PDE11A: variants seen among roughly 807,000 people sequenced by gnomAD.
PDE11A encodes the protein dual 3',5'-cyclic-AMP and -GMP phosphodiesterase 11A.
PDE11A carries 100 observed loss-of-function variants against 100.5 expected under a neutral mutation model. That is an observed-to-expected ratio of 1.00 (90% CI 0.85 to 1.18). The LOEUF (loss-of-function observed/expected upper bound fraction) is 1.18. Ranked by LOEUF, PDE11A falls within the 50% of genes most tolerant of loss-of-function variation. The pLI, the probability that PDE11A is intolerant of heterozygous loss-of-function variation, is 0.00. For missense variants in PDE11A, 1,141 were observed against 1,152.6 expected, an observed-to-expected ratio of 0.99 and a Z score of 0.15; for synonymous variants, 381 against 420.8, an observed-to-expected ratio of 0.91 and a Z score of 1.16.
intron 2 of PDE11A, among the ~76,000 whole-genome samples, chr2:177,909,604 G>A (rs1396255479): frequency 6.6e-6 from 1 of 152,098 alleles, no homozygotes. Context: ...CCTTCCAAAT[G>A]TTGGCCCTAT....
intron 1 of PDE11A, among the ~76,000 whole-genome samples, chr2:178,019,515 C>A (rs189002344): frequency 6.6e-6 from 1 of 151,880 alleles, no homozygotes; most frequent in Non-Finnish European, 1.5e-5. Context: ...AAAACATATT[C>A]GACTCTTTTA....
At chr2:177,755,510 A>G (rs2082079095) in intron 10 of PDE11A, among the ~76,000 whole-genome samples, 1 of 152,150 alleles carries the variant, frequency 6.6e-6, no homozygotes, top group Non-Finnish European at 1.5e-5. Context: ...CTATGATACC[A>G]TCCACCAGGT....
intron 6 of PDE11A, among the ~76,000 whole-genome samples, chr2:177,838,913 C>G (rs2083445533): frequency 6.6e-6 from 1 of 152,076 alleles, no homozygotes; most frequent in Admixed American, 6.5e-5. Flanking sequence ...CTGAGGAGAA[C>G]TAGAGGGTAG....
rs11423127 is a variant in PDE11A at position 177,726,660 on chromosome 2, G to GTTTTT, written c.2043+993_2043+997dup. On this transcript the variant is annotated intron_variant, in intron 12 of 19. Coordinates refer to ENST00000286063, the MANE Select transcript of PDE11A (RefSeq NM_016953.4). ...TTTAATAGGCAGAAAATGAGGCAGA[G>GTTTTT]TTTTTTTTTTTTTTTTGAGAAAGAA... Among the ~76,000 whole-genome samples the GTTTTT allele has an allele frequency of 1.2e-4, 17 of 142,850 alleles. 1 individual carries two copies. The highest frequency in any genetic ancestry group is 2.1e-4 in the African/African-American group (8 of 38,774). The allele number at this position is 142,850 out of a possible 152,430, so 93.7% of individuals were successfully genotyped here. A position where few individuals can be genotyped will look rare whatever the true frequency, so the allele number is the denominator to read the frequency against.
chr2:177,993,211 G>A (rs1308206305), intron 2 of PDE11A, among the ~76,000 whole-genome samples: 1 of 152,196 alleles, frequency 6.6e-6, no homozygotes, highest in Non-Finnish European at 1.5e-5. Flanking sequence ...GTAGAGAGTA[G>A]GGCTAGGGGA....
At chr2:177,872,319 A>G (rs2084150498) in intron 5 of PDE11A, among the ~76,000 whole-genome samples, 1 of 152,252 alleles carries the variant, frequency 6.6e-6, no homozygotes, top group African/African-American at 2.4e-5. Context: ...GAAGTCTATC[A>G]TGACATAGTG....
intron 5 of PDE11A, among the ~76,000 whole-genome samples, chr2:177,846,104 A>G (rs2083597944): frequency 6.6e-6 from 1 of 152,136 alleles, no homozygotes; most frequent in African/African-American, 2.4e-5. Context: ...TATAATGCAG[A>G]ATCGTAACAC....
At chr2:177,911,120 A>G (rs1234725993) in intron 2 of PDE11A, among the ~76,000 whole-genome samples, 1 of 152,202 alleles carries the variant, frequency 6.6e-6, no homozygotes. Context: ...CAGTAACTAT[A>G]TGATAAAGCT....
At chr2:177,664,320 G>C (rs2080535906) in intron 18 of PDE11A, among the ~76,000 whole-genome samples, 1 of 152,126 alleles carries the variant, frequency 6.6e-6, no homozygotes, top group African/African-American at 2.4e-5. Flanking sequence ...TTTTATTTCT[G>C]CATTATGAGA....
At chr2:177,889,990 A>G (rs560700335) in intron 4 of PDE11A, among the ~76,000 whole-genome samples, 11 of 152,134 alleles carry the variant, frequency 7.2e-5, no homozygotes, top group African/African-American at 2.7e-4. Flanking sequence ...TTAAATGAAT[A>G]ATGGATGGGG....
intron 19 of PDE11A, among the ~76,000 whole-genome samples, chr2:177,660,943 G>A (rs11887429): frequency 0.035 from 5,268 of 152,252 alleles, 312 homozygotes; most frequent in African/African-American, 0.12. Flanking sequence ...TGCCAAACTC[G>A]CTGTTCTGTC....
At chr2:177,992,803 A>G (rs889490768) in intron 2 of PDE11A, among the ~76,000 whole-genome samples, 1 of 152,210 alleles carries the variant, frequency 6.6e-6, no homozygotes, top group Non-Finnish European at 1.5e-5. Flanking sequence ...ATGACTGCCT[A>G]TAACCTCACC....
chr2:177,998,830 A>C (rs2086109412), intron 2 of PDE11A: 2 of 646,706 alleles, frequency 3.1e-6, no homozygotes, highest in African/African-American at 3.6e-5. Context: ...CACCACTGCC[A>C]CCTCAGCACT....
At chr2:177,858,735 C>T (rs2105664793) in intron 5 of PDE11A, among the ~76,000 whole-genome samples, 1 of 152,240 alleles carries the variant, frequency 6.6e-6, no homozygotes, top group Non-Finnish European at 1.5e-5. Context: ...ACCCAGCCAT[C>T]CCATTACTGG....
In PDE11A at chr2:178,003,711, T is replaced by C. The variant is rs115251366; in HGVS notation, c.1071+10591A>G. Among the ~76,000 whole-genome samples, 446 of 152,266 alleles carry C rather than the reference T, an allele frequency of 2.9e-3. 2 individuals are homozygous for C. Among genetic ancestry groups the C allele is most frequent in the Non-Finnish European group, 4.9e-3 (332 of 68,000 alleles). On this transcript the variant is annotated intron_variant, in intron 2 of 19. Coordinates refer to ENST00000286063, the MANE Select transcript of PDE11A (RefSeq NM_016953.4). ...AAAACCACTGAATTAAATGGAGCAT[T>C]GTATGGTATGTGAATTATATCCCAA...
chr2:177,792,683 TA>T (rs1160606237), intron 9 of PDE11A, among the ~76,000 whole-genome samples: 2 of 152,068 alleles, frequency 1.3e-5, no homozygotes. Context: ...ATGGATGAAA[TA>T]AAAATGCAAA....
intron 1 of PDE11A, among the ~76,000 whole-genome samples, chr2:178,042,868 T>C (rs2105850304): frequency 6.6e-6 from 1 of 152,300 alleles, no homozygotes; most frequent in Middle Eastern, 3.4e-3. Context: ...AACCAAGGCA[T>C]TGCTTATTGC....
At position 177,632,230 on chromosome 2, in the gene PDE11A, A is replaced by G. The variant is rs187401230; in HGVS notation, c.2647-2668T>C. Among the ~76,000 whole-genome samples, 403 of 152,350 alleles carry G rather than the reference A, an allele frequency of 2.6e-3. 1 individual carries two copies. The highest frequency in any genetic ancestry group is 8.3e-3 in the African/African-American group (346 of 41,582). On this transcript the variant is annotated intron_variant, in intron 19 of 19. Transcript: ENST00000286063. ...ACACGTCTTGAAATTGTATGGCTTC[A>G]ACCTTTGTCAATGCACAATTCCAAC...
At chr2:177,894,497 G>A (rs187465130) in intron 4 of PDE11A, among the ~76,000 whole-genome samples, 2 of 152,056 alleles carry the variant, frequency 1.3e-5, no homozygotes, top group African/African-American at 4.8e-5. Flanking sequence ...ACCCCCTCTT[G>A]GCCAAGGGGA....
Sources: gnomAD v4.1 joint callset for allele counts (sites outside exome capture counted in the v4.1 genomes callset) on GRCh38, gnomAD v4.1.1 for gene constraint, MANE v1.5 for transcripts, NCBI Gene and HGNC (gene_info 2026-07-23, HGNC 2026-07-21) for gene names.